Variants in MME observed in about 807,000 individuals in gnomAD.
MME encodes neprilysin.
MME carries 98 observed loss-of-function variants against 113.2 expected under a neutral mutation model. The ratio of observed to expected loss-of-function variants is 0.87; its 90% confidence interval spans 0.74 to 1.02. The LOEUF (loss-of-function observed/expected upper bound fraction) is 1.02. Among genes scored for constraint, MME ranks in the 50% least tolerant of loss-of-function variants. MME has a pLI of 0.00. For synonymous variants in MME, 292 were observed against 300.6 expected (o/e 0.97, Z 0.30); for missense variants, 836 against 896.0 (o/e 0.93, Z 0.86).
intron 22 of MME, among the ~76,000 whole-genome samples, chr3:155,174,374 GTGTGT>G (rs1712307309): frequency 6.9e-6 from 1 of 145,262 alleles, no homozygotes; most frequent in Non-Finnish European, 1.5e-5. Flanking sequence ...GTGTGTGTGT[GTGTGT>G]GAAGGGTAAA....
chr3:155,064,259 A>G (rs989537936), intron 1 of MME, among the ~76,000 whole-genome samples: 2 of 152,162 alleles, frequency 1.3e-5, no homozygotes, highest in Non-Finnish European at 2.9e-5. Flanking sequence ...ACTGTACTTC[A>G]GCCTGGGCAA....
At chr3:155,140,342 T>C (rs1720972605) in intron 10 of MME, 50 bp downstream of exon 10, 1 of 1,157,772 alleles carries the variant, frequency 8.6e-7, no homozygotes, top group Non-Finnish European at 1.3e-6. Context: ...TTCTAAATTA[T>C]AACATTGAAA....
chr3:155,136,980 T>C (rs1185574263), intron 8 of MME, among the ~76,000 whole-genome samples: 3 of 152,184 alleles, frequency 2.0e-5, no homozygotes, highest in Non-Finnish European at 4.4e-5. Flanking sequence ...TAATAATGGC[T>C]AATAAATAGC....
intron 16 of MME, among the ~76,000 whole-genome samples, chr3:155,157,389 G>A (rs568215698): frequency 3.3e-5 from 5 of 151,886 alleles, no homozygotes; most frequent in Non-Finnish European, 7.4e-5. Context: ...ACACTTTAAA[G>A]GTATCTTCAG....
chr3:155,043,578 C>CG (rs1464032719), intron 1 of MME, among the ~76,000 whole-genome samples: 1 of 152,042 alleles, frequency 6.6e-6, no homozygotes, highest in Non-Finnish European at 1.5e-5. Context: ...GTGATCCACC[C>CG]GCCTTGGCCT....
chr3:155,094,341 G>C (rs1369807781), intron 3 of MME, among the ~76,000 whole-genome samples: 1 of 152,186 alleles, frequency 6.6e-6, no homozygotes, highest in Non-Finnish European at 1.5e-5. Flanking sequence ...GGAATTGAAA[G>C]TGTCTCATTT....
Position 155,025,689 on chromosome 3 carries a change from CTTTTTT to C in MME, c.-11+1381_-11+1386del, listed in dbSNP as rs775452382. Among the ~76,000 whole-genome samples the C allele has an allele frequency of 3.7e-5, 4 of 109,054 alleles. No homozygotes were observed. The Admixed American group carries it at 3.8e-4, about 10-fold the overall frequency. The allele number at this position is 109,054 out of a possible 152,430, so 71.5% of individuals were successfully genotyped here. A position where few individuals can be genotyped will look rare whatever the true frequency, so the allele number is the denominator to read the frequency against. ...TATCAGATTTTTTCTTTCTTTCTTTCTTTTTTTTTTTTTTTTTTTTTGAGACAGAGT... is the reference window on the plus strand; with the variant it reads ...TATCAGATTTTTTCTTTCTTTCTTTCTTTTTTTTTTTTTTTGAGACAGAGT... On this transcript the variant is annotated intron_variant, in intron 1 of 22. Coordinates refer to the MME transcript ENST00000492661.
intron 1 of MME, among the ~76,000 whole-genome samples, chr3:155,049,013 G>T (rs992010691): frequency 6.6e-6 from 1 of 151,954 alleles, no homozygotes. Context: ...AGCACCCCCA[G>T]TTTGGTGCCT....
chr3:155,162,357 T>C (rs1034930353), intron 17 of MME, among the ~76,000 whole-genome samples: 8 of 152,288 alleles, frequency 5.3e-5, no homozygotes, highest in African/African-American at 1.7e-4. Context: ...ATTTTGAGTA[T>C]AATGTCTTGA....
chr3:155,156,794 G>C (rs999061230), intron 16 of MME, among the ~76,000 whole-genome samples: 1 of 152,184 alleles, frequency 6.6e-6, no homozygotes, highest in African/African-American at 2.4e-5. Context: ...GTTGCTTTGA[G>C]ACTACTAAAT....
upstream of MME, among the ~76,000 whole-genome samples, chr3:155,075,300 T>C (rs1714710062): frequency 6.6e-6 from 1 of 152,164 alleles, no homozygotes; most frequent in Admixed American, 6.5e-5. Flanking sequence ...CTTTCAACTA[T>C]GCTATAGCCT....
At chr3:155,129,659 T>G (rs906770506) in intron 8 of MME, among the ~76,000 whole-genome samples, 3 of 152,232 alleles carry the variant, frequency 2.0e-5, no homozygotes, top group Admixed American at 6.5e-5. Context: ...GAGCTTCTTG[T>G]GCTATATCTT....
chr3:155,126,163 G>A (rs548311421), intron 8 of MME, among the ~76,000 whole-genome samples: 2 of 152,262 alleles, frequency 1.3e-5, no homozygotes, highest in Non-Finnish European at 2.9e-5. Context: ...TCTAGTTGCT[G>A]TGTGGGGTAC....
intron 3 of MME, among the ~76,000 whole-genome samples, chr3:155,105,050 G>A (rs764502070): frequency 6.6e-6 from 1 of 152,052 alleles, no homozygotes; most frequent in Non-Finnish European, 1.5e-5. Flanking sequence ...TGCGAATTCT[G>A]GAGGAATCCC....
At chr3:155,098,434 T>C (rs1405474480) in intron 3 of MME, among the ~76,000 whole-genome samples, 1 of 151,908 alleles carries the variant, frequency 6.6e-6, no homozygotes, top group Non-Finnish European at 1.5e-5. Context: ...TGCCCGCCTG[T>C]AGTCCCAGCT....
At chr3:155,093,954 T>A (rs1361323361) in intron 3 of MME, among the ~76,000 whole-genome samples, 2 of 152,194 alleles carry the variant, frequency 1.3e-5, no homozygotes, top group Admixed American at 1.3e-4. Flanking sequence ...ATAAACTTGC[T>A]TCATCAGCTT....
chr3:155,026,073 C>T (rs1323012793), intron 1 of MME, among the ~76,000 whole-genome samples: 1 of 152,076 alleles, frequency 6.6e-6, no homozygotes, highest in East Asian at 1.9e-4. Flanking sequence ...GCCAGTGTAG[C>T]CATGGACATT....
chr3:155,098,875 T>A (rs1343043224), intron 3 of MME, among the ~76,000 whole-genome samples: 1 of 151,996 alleles, frequency 6.6e-6, no homozygotes, highest in Non-Finnish European at 1.5e-5. Context: ...ATGTTACATA[T>A]CAAGATGGTA....
rs899429303 is a variant in MME at position 155,147,120 on chromosome 3, C to T, written c.1417-24C>T. ...TCTGAAAGTTATATAATCATCTTCA[C>T]ATTCAATATTATAATTTTCATAGGC... On this transcript the variant is annotated intron_variant, in intron 14 of 22. Transcript: ENST00000360490. The T allele has an allele frequency of 8.4e-6, 12 of 1,421,096 alleles. No individual in the cohort carries two copies. The African/African-American group carries it at 1.7e-4, about 20-fold the overall frequency. The allele number at this position is 1,421,096 out of a possible 1,614,324, so 88.0% of individuals were successfully genotyped here.
Sources: allele counts gnomAD v4.1 joint callset (sites outside exome capture counted in the v4.1 genomes callset), GRCh38; gene constraint gnomAD v4.1.1; transcripts MANE v1.5; gene names NCBI Gene and HGNC (gene_info 2026-07-23, HGNC 2026-07-21).